EIF4G3: variants seen among roughly 807,000 people sequenced by gnomAD.
EIF4G3 encodes the protein eIF-4-gamma 3.
Under a neutral mutation model 186.4 loss-of-function variants are expected in EIF4G3, and 34 were observed. That is an observed-to-expected ratio of 0.18 (90% CI 0.14 to 0.24). EIF4G3 has a LOEUF of 0.24. Ranked by LOEUF, EIF4G3 falls within the 10% of genes least tolerant of loss-of-function variation. The probability of loss-of-function intolerance (pLI) is 1.00; values close to 1 mark genes in which losing one functional copy is unlikely to be tolerated. For synonymous variants in EIF4G3, 673 were observed against 679.5 expected (o/e 0.99, Z 0.15); for missense variants, 1,536 against 1,948.5 (o/e 0.79, Z 3.99).
intron 2 of EIF4G3, among the ~76,000 whole-genome samples, chr1:21,150,886 G>C (rs750498361): frequency 2.1e-4 from 32 of 152,210 alleles, no homozygotes; most frequent in Non-Finnish European, 3.7e-4. Flanking sequence ...TGAGGCAGAA[G>C]AATCGCTTAA....
At chr1:21,148,261 A>C (rs1278806441) in intron 2 of EIF4G3, among the ~76,000 whole-genome samples, 1 of 152,068 alleles carries the variant, frequency 6.6e-6, no homozygotes, top group Non-Finnish European at 1.5e-5. Flanking sequence ...CACAGAGACA[A>C]GGTCTTGCTA....
intron 23 of EIF4G3, among the ~76,000 whole-genome samples, chr1:20,861,793 G>A (rs577702699): frequency 1.4e-4 from 21 of 152,246 alleles, no homozygotes; most frequent in African/African-American, 4.3e-4. Flanking sequence ...GGCCAACAGC[G>A]TGAAATCCTG....
chr1:20,947,316 C>T (rs1558381573), intron 13 of EIF4G3, among the ~76,000 whole-genome samples: 1 of 151,412 alleles, frequency 6.6e-6, no homozygotes, highest in African/African-American at 2.4e-5. Context: ...TGCACTCCAT[C>T]CTGGGTGATA....
At chr1:20,819,419 T>C (rs1432595655) in intron 33 of EIF4G3, among the ~76,000 whole-genome samples, 2 of 151,218 alleles carry the variant, frequency 1.3e-5, no homozygotes, top group African/African-American at 4.9e-5. Flanking sequence ...CGATTGCTTT[T>C]TTTTTCTTTT....
chr1:21,138,443 C>G (rs1328690840), intron 2 of EIF4G3, among the ~76,000 whole-genome samples: 1 of 152,134 alleles, frequency 6.6e-6, no homozygotes, highest in Admixed American at 6.6e-5. Flanking sequence ...CTAAGCCCTC[C>G]TTCCCCAAAC....
chr1:20,829,379 T>A, intron 30 of EIF4G3, 107 bp from the exon 31 acceptor site: 1 of 1,274,474 alleles, frequency 7.8e-7, no homozygotes, highest in Non-Finnish European at 1.1e-6. Flanking sequence ...TCACCTGCTA[T>A]GTTAGGTACA....
intron 2 of EIF4G3, among the ~76,000 whole-genome samples, chr1:21,142,157 C>T (rs2097351658): frequency 6.6e-6 from 1 of 151,162 alleles, no homozygotes; most frequent in African/African-American, 2.4e-5. Context: ...CCAGCCTAGG[C>T]AACACAGTTA....
intron 2 of EIF4G3, among the ~76,000 whole-genome samples, chr1:21,145,053 G>A (rs778785689): frequency 6.6e-6 from 1 of 152,016 alleles, no homozygotes; most frequent in Non-Finnish European, 1.5e-5. Context: ...CAAGGTGGGA[G>A]GACTGCTTGA....
chr1:20,817,359 G>A (rs756366433), intron 34 of EIF4G3, 33 bp downstream of exon 34: 4 of 1,430,212 alleles, frequency 2.8e-6, no homozygotes, highest in Non-Finnish European at 3.7e-6. Context: ...CTTTCCTGTA[G>A]AGGTATCAGG....
chr1:21,117,000 A>G (rs192924850), intron 2 of EIF4G3, among the ~76,000 whole-genome samples: 2 of 152,202 alleles, frequency 1.3e-5, no homozygotes, highest in African/African-American at 4.8e-5. Flanking sequence ...CAAATTGGAA[A>G]TAAAATTGTA....
chr1:20,820,008 T>C (rs2061935522), intron 33 of EIF4G3, among the ~76,000 whole-genome samples: 1 of 151,980 alleles, frequency 6.6e-6, no homozygotes, highest in African/African-American at 2.4e-5. Context: ...GGCCGTACAC[T>C]GCATGGAGCC....
At chr1:21,136,484 T>G (rs1438471020) in intron 2 of EIF4G3, among the ~76,000 whole-genome samples, 2 of 151,548 alleles carry the variant, frequency 1.3e-5, no homozygotes, top group African/African-American at 2.4e-5. Context: ...ACCATTGCAC[T>G]CCAGCCTGGG....
At chr1:20,999,455 G>A (rs929377129) in intron 6 of EIF4G3, 1 of 301,624 alleles carries the variant, frequency 3.3e-6, no homozygotes, top group Non-Finnish European at 6.7e-6. Context: ...TGGAAGAGAG[G>A]GGCCATGTTA....
intron 2 of EIF4G3, among the ~76,000 whole-genome samples, chr1:21,096,737 G>A (rs2096381954): frequency 6.6e-6 from 1 of 152,186 alleles, no homozygotes; most frequent in African/African-American, 2.4e-5. Flanking sequence ...CTAACTGAAT[G>A]CTACTCACAT....
chr1:21,061,654 T>C (rs2094918859), intron 3 of EIF4G3, among the ~76,000 whole-genome samples: 1 of 151,816 alleles, frequency 6.6e-6, no homozygotes. Context: ...AATTTATTTC[T>C]GGATCAATTT....
intron 15 of EIF4G3, among the ~76,000 whole-genome samples, chr1:20,904,126 A>C (rs1426449333): frequency 6.6e-6 from 1 of 152,156 alleles, no homozygotes; most frequent in South Asian, 2.1e-4. Context: ...GGCTTATTTT[A>C]AGACAGACAA....
intron 4 of EIF4G3, among the ~76,000 whole-genome samples, chr1:21,010,595 G>T (rs1385555342): frequency 2.0e-5 from 3 of 152,076 alleles, no homozygotes; most frequent in South Asian, 4.1e-4. Flanking sequence ...TATAACCACT[G>T]ATTTCCATTT....
At chr1:21,083,969 A>C (rs2095874168) in intron 3 of EIF4G3, among the ~76,000 whole-genome samples, 1 of 152,092 alleles carries the variant, frequency 6.6e-6, no homozygotes, top group East Asian at 1.9e-4. Context: ...CACATCCCAC[A>C]TCCAAGACAT....
At chr1:20,814,813 C>T (rs376704674) in intron 34 of EIF4G3, among the ~76,000 whole-genome samples, 4 of 120,014 alleles carry the variant, frequency 3.3e-5, no homozygotes, top group Non-Finnish European at 6.9e-5. Context: ...TCTCCTTCCA[C>T]GGTCTCCCTC....
Sources: gnomAD v4.1 joint callset for allele counts (sites outside exome capture counted in the v4.1 genomes callset) on GRCh38, gnomAD v4.1.1 for gene constraint, MANE v1.5 for transcripts, NCBI Gene and HGNC (gene_info 2026-07-23, HGNC 2026-07-21) for gene names.